PDE2A: variants seen among roughly 807,000 people sequenced by gnomAD.
PDE2A encodes cGMP-dependent 3',5'-cyclic phosphodiesterase.
A neutral mutation model predicts 133.6 loss-of-function variants in PDE2A; 53 were observed. The observed-to-expected ratio is 0.40, with a 90% confidence interval of 0.32 to 0.50. PDE2A has a LOEUF of 0.50. Among genes scored for constraint, PDE2A ranks in the 20% least tolerant of loss-of-function variants. PDE2A has a pLI of 0.73. For missense variants in PDE2A, 796 were observed against 1,232.4 expected, an observed-to-expected ratio of 0.65 and a Z score of 5.30; for synonymous variants, 491 against 490.2, an observed-to-expected ratio of 1.00 and a Z score of -0.02.
chr11:72,612,509 T>C (rs1163217196), intron 2 of PDE2A, among the ~76,000 whole-genome samples: 2 of 152,194 alleles, frequency 1.3e-5, no homozygotes, highest in Non-Finnish European at 2.9e-5. Flanking sequence ...AAGTTCTGTG[T>C]GGCCTTACGC....
intron 1 of PDE2A, chr11:72,652,674 TAC>T (rs1436883163): frequency 8.8e-6 from 4 of 456,302 alleles, no homozygotes; most frequent in Non-Finnish European, 1.8e-5. Context: ...AGCCCAATTT[TAC>T]AGTTGATGAA....
chr11:72,664,460 G>A (rs956190917), intron 1 of PDE2A, among the ~76,000 whole-genome samples: 12 of 127,792 alleles, frequency 9.4e-5, no homozygotes, highest in African/African-American at 3.6e-4. Flanking sequence ...TGCAAGCTCC[G>A]CCTCCTGAGT....
At chr11:72,657,002 G>A (rs1854917247) in intron 1 of PDE2A, among the ~76,000 whole-genome samples, 1 of 151,956 alleles carries the variant, frequency 6.6e-6, no homozygotes, top group African/African-American at 2.4e-5. Context: ...TCTCTGCTCC[G>A]CATCTCACAC....
chr11:72,592,077 C>G (rs1856278053), intron 6 of PDE2A, among the ~76,000 whole-genome samples: 1 of 152,192 alleles, frequency 6.6e-6, no homozygotes, highest in Non-Finnish European at 1.5e-5. Context: ...CCTCTCCAAG[C>G]TCCCTGTGCC....
At chr11:72,664,364 A>AGTTTTTTTTT (rs1855165341) in intron 1 of PDE2A, among the ~76,000 whole-genome samples, 1 of 70,076 alleles carries the variant, frequency 1.4e-5, no homozygotes, top group Non-Finnish European at 2.6e-5. Context: ...CCCTTGAAGG[A>AGTTTTTTTTT]TTTTTTTTTT....
At chr11:72,637,553 A>G (rs527594170) in intron 2 of PDE2A, among the ~76,000 whole-genome samples, 2 of 152,350 alleles carry the variant, frequency 1.3e-5, no homozygotes, top group South Asian at 4.1e-4. Context: ...GACTTCCTGG[A>G]GGTAGCATCT....
intron 1 of PDE2A, 140 bp downstream of exon 1, chr11:72,673,997 G>A (rs1333521688): frequency 3.7e-6 from 3 of 801,430 alleles, no homozygotes; most frequent in African/African-American, 1.7e-5. Context: ...AACGCGGGGA[G>A]GAGGGGTGCC....
intron 1 of PDE2A, among the ~76,000 whole-genome samples, chr11:72,663,076 C>T (rs1458590689): frequency 6.6e-6 from 1 of 152,190 alleles, no homozygotes; most frequent in African/African-American, 2.4e-5. Context: ...GACCCAGCAT[C>T]GCCTCCTCAG....
intron 13 of PDE2A, among the ~76,000 whole-genome samples, chr11:72,588,570 C>A (rs1229259809): frequency 1.3e-5 from 2 of 152,186 alleles, no homozygotes; most frequent in Admixed American, 1.3e-4. Flanking sequence ...ACCCCAAGAG[C>A]AGATTACCCA....
chr11:72,654,219 C>T (rs537873122), intron 1 of PDE2A, among the ~76,000 whole-genome samples: 1 of 152,298 alleles, frequency 6.6e-6, no homozygotes, highest in African/African-American at 2.4e-5. Flanking sequence ...AGCGCTGGGA[C>T]CAGGGGAGGC....
chr11:72,638,948 G>T (rs1343288651), intron 2 of PDE2A, among the ~76,000 whole-genome samples: 1 of 152,086 alleles, frequency 6.6e-6, no homozygotes, highest in Non-Finnish European at 1.5e-5. Context: ...GCATTTCTCT[G>T]CCCACCCCAA....
chr11:72,645,495 C>T (rs918719323), intron 1 of PDE2A, among the ~76,000 whole-genome samples: 1 of 152,208 alleles, frequency 6.6e-6, no homozygotes, highest in African/African-American at 2.4e-5. Context: ...AAGGACTCCT[C>T]CACTCACACG....
intron 1 of PDE2A, among the ~76,000 whole-genome samples, chr11:72,672,223 TA>T (rs1206263430): frequency 6.6e-6 from 1 of 151,888 alleles, no homozygotes; most frequent in East Asian, 1.9e-4. Flanking sequence ...ACCCCCAGGC[TA>T]AAGTGCAGTA....
Position 72,577,402 on chromosome 11 carries a change from G to A in PDE2A, c.2808C>T (p.Cys936=). The A allele has an allele frequency of 6.2e-7, 1 of 1,613,252 alleles. No homozygotes were observed. Among genetic ancestry groups the A allele is most frequent in the Non-Finnish European group, 8.5e-7 (1 of 1,179,566 alleles). ...DGTRAPINGC[C]SLDAE is the part of the protein sequence containing the mutation. Reference sequence around the variant, plus strand: ...GAGGGGATCACTCAGCATCAAGGCTGCAGCAGCCATTGATGGGGGCCCTAG... The same window carrying A: ...GAGGGGATCACTCAGCATCAAGGCTACAGCAGCCATTGATGGGGGCCCTAG... Residue 936 remains cysteine, a synonymous_variant, in exon 31 of 31, where the codon TGC becomes TGT. Coordinates refer to ENST00000334456, the MANE Select transcript of PDE2A (RefSeq NM_002599.5).
Position 72,586,059 on chromosome 11 carries a change from A to G in PDE2A, c.1182+11T>C. Reference sequence around the variant, plus strand: ...TCGGTGCCCGAGAGAGGCTGAAGGCAGGTCACTCACCTGGCACTCACACTT... The same window carrying G: ...TCGGTGCCCGAGAGAGGCTGAAGGCGGGTCACTCACCTGGCACTCACACTT... On this transcript the variant is annotated intron_variant, in intron 14 of 30. Coordinates refer to ENST00000334456, the MANE Select transcript of PDE2A (RefSeq NM_002599.5). The G allele has an allele frequency of 6.6e-7, 1 of 1,511,398 alleles. No individual in the cohort carries two copies. The highest frequency in any genetic ancestry group is 9.2e-7 in the Non-Finnish European group (1 of 1,091,878). The allele number at this position is 1,511,398 out of a possible 1,614,324, so 93.6% of individuals were successfully genotyped here. A position where few individuals can be genotyped will look rare whatever the true frequency, so the allele number is the denominator to read the frequency against.
chr11:72,671,361 G>A (rs1400066053), intron 1 of PDE2A, among the ~76,000 whole-genome samples: 1 of 152,192 alleles, frequency 6.6e-6, no homozygotes, highest in Admixed American at 6.5e-5. Flanking sequence ...GCTGAGTCGG[G>A]AGATTTCATA....
intron 1 of PDE2A, chr11:72,658,031 CA>C: frequency 2.2e-6 from 1 of 456,266 alleles, no homozygotes. Flanking sequence ...AGGCATGTAC[CA>C]GGCATCTTTA....
chr11:72,665,655 G>T (rs541987193), intron 1 of PDE2A, among the ~76,000 whole-genome samples: 9 of 152,008 alleles, frequency 5.9e-5, no homozygotes, highest in African/African-American at 2.2e-4. Flanking sequence ...TCCTCACTAG[G>T]GTAGGTACCT....
chr11:72,611,766 C>A (rs924693226), intron 2 of PDE2A, among the ~76,000 whole-genome samples: 3 of 152,208 alleles, frequency 2.0e-5, no homozygotes, highest in Admixed American at 1.3e-4. Context: ...GGTGCAGGAA[C>A]TGCAGCTGGG....
Sources: gnomAD v4.1 joint callset for allele counts (sites outside exome capture counted in the v4.1 genomes callset) on GRCh38, gnomAD v4.1.1 for gene constraint, MANE v1.5 for transcripts, NCBI Gene and HGNC (gene_info 2026-07-23, HGNC 2026-07-21) for gene names.